Variants in PLPPR5 observed in about 807,000 individuals in gnomAD.
PLPPR5 encodes the protein phospholipid phosphatase related 5, also known as phospholipid phosphatase-related protein type 5.
Under a neutral mutation model 33.9 loss-of-function variants are expected in PLPPR5, and 16 were observed. The ratio of observed to expected loss-of-function variants is 0.47; its 90% confidence interval spans 0.32 to 0.72. The LOEUF (loss-of-function observed/expected upper bound fraction) is 0.72, where lower values mean the gene tolerates loss of function less well. PLPPR5 is among the 30% of genes least tolerant of loss of function. The pLI is 0.03. For missense variants in PLPPR5, 301 were observed against 406.7 expected (o/e 0.74, Z 2.23); for synonymous variants, 163 against 150.3 (o/e 1.08, Z -0.62).
chr1:98,985,323 A>G (rs1652215795), intron 1 of PLPPR5, among the ~76,000 whole-genome samples: 1 of 152,010 alleles, frequency 6.6e-6, no homozygotes. Flanking sequence ...GGTGCCCTCA[A>G]ACTAATCAAC....
rs59686592 is a variant in PLPPR5, at chr1:99,003,056, CATATATATATATATAT to C, written c.237+1363_237+1378del. ...TAACACATTTTAGCAACTTATTTTA[CATATATATATATATAT>C]ATATATATATATATATATATATATG... On this transcript the variant is annotated intron_variant, in intron 1 of 5. Transcript: ENST00000263177. 1.7e-3 allele frequency among the ~76,000 whole-genome samples: 140 copies of C among 81,120 alleles called. 3 individuals carry two copies. Among genetic ancestry groups the C allele is most frequent in the Admixed American group, 4.4e-3 (31 of 6,980 alleles). The allele number at this position is 81,120 out of a possible 152,430, so 53.2% of individuals were successfully genotyped here. A position where few individuals can be genotyped will look rare whatever the true frequency, so the allele number is the denominator to read the frequency against.
intron 1 of PLPPR5, among the ~76,000 whole-genome samples, chr1:98,998,606 A>G (rs1328989367): frequency 2.6e-5 from 4 of 152,192 alleles, no homozygotes; most frequent in Admixed American, 2.6e-4. Context: ...CTGAATCACT[A>G]TGAGTAAAAT....
intron 1 of PLPPR5, among the ~76,000 whole-genome samples, chr1:98,986,885 G>A (rs1652282336): frequency 6.6e-6 from 1 of 151,496 alleles, no homozygotes; most frequent in Non-Finnish European, 1.5e-5. Flanking sequence ...TTAGGTAATT[G>A]GCCTAGGAAA....
chr1:98,961,937 C>T (rs560900168), intron 1 of PLPPR5, among the ~76,000 whole-genome samples: 17 of 152,284 alleles, frequency 1.1e-4, no homozygotes, highest in Non-Finnish European at 1.9e-4. Flanking sequence ...TTCCCCTAAA[C>T]CCCAGATGCA....
At chr1:98,911,567 T>C (rs1649149796) in intron 5 of PLPPR5, among the ~76,000 whole-genome samples, 1 of 152,188 alleles carries the variant, frequency 6.6e-6, no homozygotes, top group African/African-American at 2.4e-5. Flanking sequence ...TGTAATGATA[T>C]ATATGAATAT....
chr1:98,919,822 AC>A (rs1307936425), intron 4 of PLPPR5, among the ~76,000 whole-genome samples: 1 of 152,160 alleles, frequency 6.6e-6, no homozygotes, highest in African/African-American at 2.4e-5. Context: ...AGTTTATGGA[AC>A]TTTTTCCAGT....
intron 1 of PLPPR5, among the ~76,000 whole-genome samples, chr1:98,986,941 C>G (rs927750817): frequency 2.0e-5 from 3 of 151,656 alleles, no homozygotes; most frequent in African/African-American, 7.2e-5. Flanking sequence ...TTCAAATTTT[C>G]TTTATTAGTT....
rs1008000987 is a variant in PLPPR5, at chr1:98,957,164, C to T, written c.238-423G>A. 5.0e-5 allele frequency among the ~76,000 whole-genome samples: 7 copies of T among 139,014 alleles called. No homozygotes were observed. The East Asian group carries it at 1.3e-3, about 25-fold the overall frequency. The allele number at this position is 139,014 out of a possible 152,430, so 91.2% of individuals were successfully genotyped here. A position where few individuals can be genotyped will look rare whatever the true frequency, so the allele number is the denominator to read the frequency against. ...GAACACATGGACACAGGAAGGGGAA[C>T]ATCACACTCTGGGGACTGTTGTGGG... is the stretch of plus-strand genomic sequence containing the variant. On this transcript the variant is annotated intron_variant, in intron 1 of 5. Transcript: ENST00000263177.
intron 1 of PLPPR5, among the ~76,000 whole-genome samples, chr1:98,983,824 C>T (rs1219724398): frequency 6.6e-6 from 1 of 152,084 alleles, no homozygotes; most frequent in Non-Finnish European, 1.5e-5. Context: ...TTTTGATTTG[C>T]ATTTCCCTGA....
At chr1:98,906,155 A>C (rs1648887150) in intron 5 of PLPPR5, among the ~76,000 whole-genome samples, 1 of 151,194 alleles carries the variant, frequency 6.6e-6, no homozygotes, top group South Asian at 2.1e-4. Flanking sequence ...GTATATACAC[A>C]GTGTGTGTAT....
rs1648232440 is a variant in PLPPR5, at chr1:98,890,433, A to G, written c.*2639T>C. The G allele has an allele frequency of 6.6e-6, 1 of 152,560 alleles. No individual in the cohort carries two copies. Among genetic ancestry groups the G allele is most frequent in the Non-Finnish European group, 1.5e-5 (1 of 67,994 alleles). 9.5% of individuals were successfully genotyped at this position (152,560 alleles called of 1,614,324 possible). Reference sequence around the variant, plus strand: ...TGGAAAATACAAAGTCTGTCAAAGAAGATTCACCTCTCTTTTAACATAAAA... The same window carrying G: ...TGGAAAATACAAAGTCTGTCAAAGAGGATTCACCTCTCTTTTAACATAAAA... On this transcript the variant is annotated 3_prime_UTR_variant, in exon 6 of 6. Coordinates refer to ENST00000263177, the MANE Select transcript of PLPPR5 (RefSeq NM_001037317.2).
Position 98,952,955 on chromosome 1 carries a change from G to A in PLPPR5, c.621+115C>T, listed in dbSNP as rs866560751. On this transcript the variant is annotated intron_variant, in intron 3 of 5. Transcript: ENST00000263177. ...TTAAAAATAGATTAAATGGCCTACAGAAAGATATGAATGTGCTTTAAGTGA... is the reference window on the plus strand; with the variant it reads ...TTAAAAATAGATTAAATGGCCTACAAAAAGATATGAATGTGCTTTAAGTGA... 21 of 1,266,428 alleles carry A rather than the reference G, an allele frequency of 1.7e-5. No individual in the cohort carries two copies. In the South Asian group the frequency reaches 2.7e-4, roughly 16 times the overall value. 78.4% of individuals were successfully genotyped at this position (1,266,428 alleles called of 1,614,324 possible).
At chr1:98,921,809 C>T (rs1201172759) in intron 4 of PLPPR5, 73 bp downstream of exon 4, 1 of 1,236,498 alleles carries the variant, frequency 8.1e-7, no homozygotes, top group Non-Finnish European at 1.1e-6. Flanking sequence ...CAGTGATTCA[C>T]ACTTGTATTT....
chr1:98,974,843 G>T (rs1651789270), intron 1 of PLPPR5, among the ~76,000 whole-genome samples: 2 of 151,976 alleles, frequency 1.3e-5, no homozygotes, highest in Admixed American at 6.6e-5. Flanking sequence ...TTTTCGCTTT[G>T]ATCACTTACT....
chr1:99,005,664 A>G (rs1469835259), upstream of PLPPR5, among the ~76,000 whole-genome samples: 2 of 152,122 alleles, frequency 1.3e-5, no homozygotes, highest in Admixed American at 6.5e-5. Flanking sequence ...CCACCAGGGT[A>G]GGAAAAAGGA....
intron 1 of PLPPR5, among the ~76,000 whole-genome samples, chr1:98,999,976 T>C (rs1652766646): frequency 1.3e-5 from 2 of 152,192 alleles, no homozygotes; most frequent in South Asian, 2.1e-4. Flanking sequence ...TCTAGCTTCA[T>C]TTCCTTTAAA....
intron 1 of PLPPR5, among the ~76,000 whole-genome samples, chr1:99,001,781 C>A (rs1449103398): frequency 6.2e-5 from 9 of 145,916 alleles, no homozygotes; most frequent in African/African-American, 1.8e-4. Flanking sequence ...GATTCATGAG[C>A]GAATTGAATT....
At chr1:98,912,556 C>T (rs1480479827) in intron 5 of PLPPR5, among the ~76,000 whole-genome samples, 1 of 152,156 alleles carries the variant, frequency 6.6e-6, no homozygotes, top group East Asian at 1.9e-4. Context: ...AGAGGTTGAA[C>T]TTATCCCTTC....
intron 5 of PLPPR5, among the ~76,000 whole-genome samples, chr1:98,897,983 T>A (rs1388384955): frequency 6.6e-6 from 1 of 152,096 alleles, no homozygotes; most frequent in Non-Finnish European, 1.5e-5. Flanking sequence ...AAATAAATAA[T>A]TTTTAAGTAA....
Sources: allele counts gnomAD v4.1 joint callset (sites outside exome capture counted in the v4.1 genomes callset), GRCh38; gene constraint gnomAD v4.1.1; transcripts MANE v1.5; gene names NCBI Gene and HGNC (gene_info 2026-07-23, HGNC 2026-07-21).